ZNF578: variants seen among roughly 807,000 people sequenced by gnomAD.
ZNF578 encodes Putative chemokine-related protein B42.
In ZNF578, 8 loss-of-function variants were observed where a neutral mutation model predicts 8.3. The observed-to-expected ratio is 0.96, with a 90% CI of 0.56 to 1.74. The LOEUF is 1.74. Ranked by LOEUF, ZNF578 falls within the 40% of genes most tolerant of loss-of-function variation. ZNF578 has a pLI of 0.00. For synonymous variants in ZNF578, 206 were observed against 232.2 expected (o/e 0.89, Z 1.03); for missense variants, 726 against 707.5 (o/e 1.03, Z -0.30).
Position 52,465,744 on chromosome 19 carries a change from G to C in ZNF578, c.-122+8786G>C, listed in dbSNP as rs78256312. On this transcript the variant is annotated intron_variant, in intron 2 of 5. Transcript: ENST00000421239. ...GCGTTGCTGTAGCAAGCTCAAATACGTGGCGTACTTATATTCAGTTTGTCC... is the reference window on the plus strand; with the variant it reads ...GCGTTGCTGTAGCAAGCTCAAATACCTGGCGTACTTATATTCAGTTTGTCC... Among the ~76,000 whole-genome samples the C allele has an allele frequency of 9.9e-4, 151 of 152,262 alleles. 1 individual carries two copies. In the East Asian group the frequency reaches 0.023, roughly 24 times the overall value.
intron 3 of ZNF578, among the ~76,000 whole-genome samples, chr19:52,498,796 C>T (rs1319243898): frequency 4.0e-5 from 6 of 150,210 alleles, no homozygotes; most frequent in South Asian, 2.1e-4. Flanking sequence ...AGTGATCTTG[C>T]GTCAGCCTCC....
At position 52,515,689 on chromosome 19, in the gene ZNF578, C is replaced by T. The variant is rs530117211; in HGVS notation, c.*3535C>T. On this transcript the variant is annotated 3_prime_UTR_variant, in exon 6 of 6. Coordinates refer to ENST00000421239, the MANE Select transcript of ZNF578 (RefSeq NM_001099694.2). ...AAAGGTCAACCCGAGTGTCCCTGAC[C>T]GTTGAAATGATTGGCAAAATGGAGT... 3.3e-5 allele frequency among the ~76,000 whole-genome samples: 5 copies of T among 151,272 alleles called. No homozygotes were observed. Among genetic ancestry groups the T allele is most frequent in the South Asian group, 4.2e-4 (2 of 4,776 alleles).
At chr19:52,504,626 G>A in intron 4 of ZNF578, 29 bp from the exon 5 acceptor site, 2 of 1,613,454 alleles carry the variant, frequency 1.2e-6, no homozygotes, top group Non-Finnish European at 1.7e-6. Flanking sequence ...CCTCCATAAT[G>A]TTTTGTTGAA....
chr19:52,489,903 G>T (rs773329967), intron 2 of ZNF578, among the ~76,000 whole-genome samples: 5 of 151,984 alleles, frequency 3.3e-5, no homozygotes, highest in Non-Finnish European at 7.4e-5. Context: ...TGATCTGCCC[G>T]CCTCGGCCTC....
At position 52,513,729 on chromosome 19, in the gene ZNF578, CAAAA is replaced by C. The variant is rs66998990; in HGVS notation, c.*1589_*1592del. On this transcript the variant is annotated 3_prime_UTR_variant, in exon 6 of 6. Transcript: ENST00000421239. ...TGGGCGACAGAGTGAGAGTCTGTCT[CAAAA>C]AAAAAAAAAAAAAGATATCAAACCC... Among the ~76,000 whole-genome samples, 13 of 123,350 alleles carry C rather than the reference CAAAA, an allele frequency of 1.1e-4. No individual in the cohort carries two copies. Among genetic ancestry groups the C allele is most frequent in the Admixed American group, 1.7e-4 (2 of 11,612 alleles). The allele number at this position is 123,350 out of a possible 152,430, so 80.9% of individuals were successfully genotyped here. A position where few individuals can be genotyped will look rare whatever the true frequency, so the allele number is the denominator to read the frequency against.
At chr19:52,488,924 G>A (rs1183139046) in intron 2 of ZNF578, among the ~76,000 whole-genome samples, 1 of 151,842 alleles carries the variant, frequency 6.6e-6, no homozygotes, top group Non-Finnish European at 1.5e-5. Context: ...GTGAAACCCC[G>A]TCTCTACCAA....
chr19:52,510,803 G>T lies in ZNF578; in HGVS notation c.422G>T (p.Arg141Leu). 1 of 1,614,102 alleles carries T rather than the reference G, an allele frequency of 6.2e-7. No individual in the cohort carries two copies. The highest frequency in any genetic ancestry group is 1.3e-5 in the African/African-American group (1 of 75,046). The change falls in exon 6 of 6, where the codon CGA becomes CTA. Residue 141 changes from arginine (R) to leucine (L), a missense_variant. Transcript: ENST00000421239. ...AAAGAGTTGATGGGTAGCACAGACC[G>T]ACATGATCAAAGGCATGCTGGAAAC... is the stretch of plus-strand genomic sequence containing the variant. ...KIKELMGSTDRHDQRHAGNKP... is the reference protein window; with the variant it reads ...KIKELMGSTDLHDQRHAGNKP...
chr19:52,458,886 A>G (rs1599879642), intron 2 of ZNF578: 2 of 152,226 alleles, frequency 1.3e-5, no homozygotes, highest in East Asian at 1.9e-4. Context: ...TAAGTATTTG[A>G]TTTGTTGTAA....
chr19:52,494,548 T>C (rs150311130), intron 3 of ZNF578, among the ~76,000 whole-genome samples: 1 of 152,180 alleles, frequency 6.6e-6, no homozygotes, highest in African/African-American at 2.4e-5. Flanking sequence ...TGTGAGTTCA[T>C]TGGATATGAT....
chr19:52,475,649 G>T (rs1048644041), intron 2 of ZNF578, among the ~76,000 whole-genome samples: 1 of 152,130 alleles, frequency 6.6e-6, no homozygotes, highest in African/African-American at 2.4e-5. Context: ...GAGCCACCGC[G>T]CCTGGCTGAG....
chr19:52,485,665 A>G (rs1402823882), intron 2 of ZNF578, among the ~76,000 whole-genome samples: 1 of 152,222 alleles, frequency 6.6e-6, no homozygotes, highest in Non-Finnish European at 1.5e-5. Flanking sequence ...ATCTGTAACC[A>G]TACCCCCAAC....
intron 2 of ZNF578, among the ~76,000 whole-genome samples, chr19:52,469,286 A>G (rs2059284871): frequency 6.7e-6 from 1 of 148,246 alleles, no homozygotes; most frequent in Admixed American, 6.8e-5. Context: ...TCAGCTCCCC[A>G]GGCAGCTGGG....
intron 4 of ZNF578, among the ~76,000 whole-genome samples, chr19:52,504,277 G>A (rs2059417701): frequency 6.6e-6 from 1 of 151,960 alleles, no homozygotes; most frequent in Non-Finnish European, 1.5e-5. Flanking sequence ...TTTTAGTGGA[G>A]ACAGGTTTCC....
intron 2 of ZNF578, chr19:52,475,103 G>A (rs1599888899): frequency 5.1e-6 from 1 of 194,474 alleles, no homozygotes; most frequent in East Asian, 1.3e-4. Flanking sequence ...TACAATGTAT[G>A]AATTTTTCCT....
At chr19:52,468,063 A>G (rs2059280889) in intron 2 of ZNF578, among the ~76,000 whole-genome samples, 1 of 152,202 alleles carries the variant, frequency 6.6e-6, no homozygotes, top group Non-Finnish European at 1.5e-5. Flanking sequence ...CACTATAGTA[A>G]CAAAGGGAAG....
chr19:52,468,394 A>G (rs2059281977), intron 2 of ZNF578, among the ~76,000 whole-genome samples: 1 of 152,246 alleles, frequency 6.6e-6, no homozygotes, highest in African/African-American at 2.4e-5. Context: ...CAACAGTCAT[A>G]TTGTGCAATG....
chr19:52,504,884 T>TTTGTTTTA, intron 5 of ZNF578, 103 bp downstream of exon 5: 1 of 1,535,086 alleles, frequency 6.5e-7, no homozygotes. Flanking sequence ...ACGTGGTTTT[T>TTTGTTTTA]TTGTTTGATT....
intron 2 of ZNF578, among the ~76,000 whole-genome samples, chr19:52,485,828 T>G (rs2059343517): frequency 6.6e-6 from 1 of 152,138 alleles, no homozygotes; most frequent in Admixed American, 6.6e-5. Flanking sequence ...CACAAAACAC[T>G]GTGGAAGGCT....
In ZNF578 at chr19:52,510,739, G is replaced by A. The variant is rs1298335204; in HGVS notation, c.358G>A (p.Asp120Asn). Residue 120 changes from aspartate (D) to asparagine (N), a missense_variant, in exon 6 of 6, where the codon GAT becomes AAT. Coordinates refer to ENST00000421239, the MANE Select transcript of ZNF578 (RefSeq NM_001099694.2). ...IHDFEFQSQK[D>N]ERNGHEASMP... is the part of the protein sequence containing the mutation. ...TGACTTTGAGTTTCAGTCACAAAAA[G>A]ATGAAAGAAATGGCCATGAAGCATC... 3 of 1,612,706 alleles carry A rather than the reference G, an allele frequency of 1.9e-6. No homozygotes were observed. Among genetic ancestry groups the A allele is most frequent in the Non-Finnish European group, 2.5e-6 (3 of 1,179,504 alleles).
Sources: gnomAD v4.1 joint callset for allele counts (sites outside exome capture counted in the v4.1 genomes callset) on GRCh38, gnomAD v4.1.1 for gene constraint, MANE v1.5 for transcripts, NCBI Gene and HGNC (gene_info 2026-07-23, HGNC 2026-07-21) for gene names.